The following FOXN3 variants were observed in gnomAD, a reference collection of about 807,000 sequenced individuals.
The protein encoded by FOXN3 is forkhead box N3.
FOXN3 carries 7 observed loss-of-function variants against 38.4 expected under a neutral mutation model. The observed-to-expected ratio is 0.18, with a 90% CI of 0.10 to 0.34. The LOEUF is 0.34. Among genes scored for constraint, FOXN3 ranks in the 10% least tolerant of loss-of-function variants. The pLI is 1.00. For missense variants in FOXN3, 456 were observed against 613.4 expected (o/e 0.74, Z 2.71); for synonymous variants, 230 against 242.2 (o/e 0.95, Z 0.47).
chr14:89,208,328 G>T (rs1215316684), intron 4 of FOXN3, among the ~76,000 whole-genome samples: 2 of 152,134 alleles, frequency 1.3e-5, no homozygotes, highest in African/African-American at 4.8e-5. Context: ...ACTTCAATCT[G>T]TTTAGGGTTT....
At chr14:89,310,921 A>G (rs1454318440) in intron 3 of FOXN3, among the ~76,000 whole-genome samples, 2 of 151,504 alleles carry the variant, frequency 1.3e-5, no homozygotes, top group Admixed American at 1.3e-4. Context: ...AGCCTGACCA[A>G]TATGGAGAAA....
chr14:89,376,502 C>T (rs780999961), intron 2 of FOXN3, among the ~76,000 whole-genome samples: 8 of 152,144 alleles, frequency 5.3e-5, no homozygotes, highest in East Asian at 1.9e-4. Context: ...TTGCAACTTT[C>T]GGTAAAATAA....
In FOXN3 at chr14:89,466,411, G is replaced by A. The variant is rs144667670; in HGVS notation, c.-14-53921C>T. On this transcript the variant is annotated intron_variant, in intron 1 of 6. Transcript: ENST00000345097. ...CTCTTCCAATTGACGGCAAATGCAG[G>A]GAATATGTTTTTCGTGCCAGTTGCT... Among the ~76,000 whole-genome samples the A allele has an allele frequency of 4.5e-3, 688 of 152,202 alleles. 5 individuals are homozygous for A. Among genetic ancestry groups the A allele is most frequent in the African/African-American group, 0.015 (626 of 41,504 alleles).
At chr14:89,218,275 G>C (rs1487819437) in intron 4 of FOXN3, among the ~76,000 whole-genome samples, 2 of 152,180 alleles carry the variant, frequency 1.3e-5, no homozygotes. Flanking sequence ...GATCGGACAA[G>C]TCAATGGAGC....
At chr14:89,280,760 C>T (rs541043763) in intron 4 of FOXN3, among the ~76,000 whole-genome samples, 190 bp downstream of exon 4, 17 of 152,122 alleles carry the variant, frequency 1.1e-4, no homozygotes, top group Admixed American at 2.6e-4. Flanking sequence ...TCACAGCGAC[C>T]GAGAAGCTTG....
chr14:89,262,431 CTATT>C (rs1885836383), intron 4 of FOXN3, among the ~76,000 whole-genome samples: 1 of 152,186 alleles, frequency 6.6e-6, no homozygotes, highest in African/African-American at 2.4e-5. Context: ...ATAGGAAATA[CTATT>C]TAAACTACCT....
At chr14:89,449,107 C>T (rs748281953) in intron 1 of FOXN3, among the ~76,000 whole-genome samples, 9 of 152,158 alleles carry the variant, frequency 5.9e-5, no homozygotes, top group East Asian at 1.9e-4. Flanking sequence ...GGAATTAAAG[C>T]ACAAAAATCT....
chr14:89,485,425 C>G (rs1484027465), intron 1 of FOXN3, among the ~76,000 whole-genome samples: 1 of 152,182 alleles, frequency 6.6e-6, no homozygotes, highest in East Asian at 1.9e-4. Flanking sequence ...AGCTCCACTT[C>G]TCAGAATCGC....
intron 1 of FOXN3, among the ~76,000 whole-genome samples, chr14:89,445,424 C>A (rs1892473171): frequency 6.6e-6 from 1 of 152,162 alleles, no homozygotes. Flanking sequence ...CCAGGTACAC[C>A]AATCATGCCT....
chr14:89,312,834 G>T (rs1204832925), intron 3 of FOXN3, among the ~76,000 whole-genome samples: 2 of 152,176 alleles, frequency 1.3e-5, no homozygotes, highest in African/African-American at 4.8e-5. Context: ...ATGAGCACTC[G>T]CAGTGATACC....
At chr14:89,188,719 T>G (rs1233863501) in intron 4 of FOXN3, among the ~76,000 whole-genome samples, 1 of 152,218 alleles carries the variant, frequency 6.6e-6, no homozygotes, top group East Asian at 1.9e-4. Flanking sequence ...ATGGCTCTGA[T>G]GAAATCAGTA....
chr14:89,578,350 A>T (rs1310782239), intron 1 of FOXN3, among the ~76,000 whole-genome samples: 3 of 152,140 alleles, frequency 2.0e-5, no homozygotes, highest in Non-Finnish European at 4.4e-5. Context: ...TTTAGTGCTC[A>T]GGACTCTGTC....
intron 2 of FOXN3, among the ~76,000 whole-genome samples, chr14:89,382,214 T>C (rs1890666985): frequency 6.6e-6 from 1 of 152,116 alleles, no homozygotes; most frequent in Non-Finnish European, 1.5e-5. Context: ...TCTGTGACAG[T>C]AGGTCTGGTG....
At position 89,166,534 on chromosome 14, in the gene FOXN3, C is replaced by T. The variant is rs73319286; in HGVS notation, c.852-3565G>A. Among the ~76,000 whole-genome samples, 570 of 152,274 alleles carry T rather than the reference C, an allele frequency of 3.7e-3. 4 individuals are homozygous for T. Among genetic ancestry groups the T allele is most frequent in the African/African-American group, 0.013 (546 of 41,544 alleles). ...TGTTGAGTGGGGTGGCCCGGACAGT[C>T]TCAAAGATGGTTCAAGCAGGAATTC... On this transcript the variant is annotated intron_variant, in intron 5 of 5. Coordinates refer to ENST00000557258, the MANE Select transcript of FOXN3 (RefSeq NM_005197.4).
chr14:89,177,723 T>G (rs1887560092), intron 5 of FOXN3, among the ~76,000 whole-genome samples: 1 of 152,108 alleles, frequency 6.6e-6, no homozygotes, highest in Non-Finnish European at 1.5e-5. Flanking sequence ...GCAGCATTCA[T>G]TCTCGGAGGT....
intron 4 of FOXN3, among the ~76,000 whole-genome samples, chr14:89,195,484 C>T (rs189828137): frequency 2.0e-4 from 30 of 152,322 alleles, no homozygotes; most frequent in Non-Finnish European, 3.5e-4. Flanking sequence ...GGACCAAAGA[C>T]ATTGGAGATT....
At chr14:89,420,129 C>G (rs983379851), upstream of FOXN3, among the ~76,000 whole-genome samples, 2 of 152,236 alleles carry the variant, frequency 1.3e-5, no homozygotes, top group African/African-American at 4.8e-5. Context: ...AGGTTGGCTT[C>G]CTCTGCTCAA....
intron 1 of FOXN3, among the ~76,000 whole-genome samples, chr14:89,432,419 C>G (rs1462770878): frequency 6.6e-6 from 1 of 152,158 alleles, no homozygotes; most frequent in Non-Finnish European, 1.5e-5. Context: ...GACTGCGATC[C>G]AAAGGATTAT....
At chr14:89,432,643 C>T (rs965300340) in intron 1 of FOXN3, among the ~76,000 whole-genome samples, 12 of 152,058 alleles carry the variant, frequency 7.9e-5, no homozygotes, top group Non-Finnish European at 1.3e-4. Flanking sequence ...CTGCACAGCC[C>T]CACCGCCTTG....
Sources: gnomAD v4.1 joint callset for allele counts (sites outside exome capture counted in the v4.1 genomes callset) on GRCh38, gnomAD v4.1.1 for gene constraint, MANE v1.5 for transcripts, NCBI Gene and HGNC (gene_info 2026-07-23, HGNC 2026-07-21) for gene names.